Variants in CNTN4 observed in about 807,000 individuals in gnomAD.
CNTN4 encodes contactin 4.
In CNTN4, 77 loss-of-function variants were observed where a neutral mutation model predicts 122.5. That is an observed-to-expected ratio of 0.63 (90% CI 0.52 to 0.76). The LOEUF (loss-of-function observed/expected upper bound fraction) is 0.76, where lower values mean the gene tolerates loss of function less well. Among genes scored for constraint, CNTN4 ranks in the 30% least tolerant of loss-of-function variants. The probability of loss-of-function intolerance (pLI) is 0.00; values close to 1 mark genes in which losing one functional copy is unlikely to be tolerated. For missense variants in CNTN4, 1,256 were observed against 1,259.1 expected, an observed-to-expected ratio of 1.00 and a Z score of 0.04; for synonymous variants, 512 against 447.0, an observed-to-expected ratio of 1.15 and a Z score of -1.83.
chr3:2,773,762 C>CTTTTTTTTTTTTTTTTTTTTTTT (rs1234334638), intron 6 of CNTN4, among the ~76,000 whole-genome samples: 8 of 107,544 alleles, frequency 7.4e-5, no homozygotes, highest in African/African-American at 2.4e-4. Context: ...ATGTAGTAGA[C>CTTTTTTTTTTTTTTTTTTTTTTT]TTTTTTTTTT....
At chr3:2,682,881 C>T (rs1005629742) in intron 4 of CNTN4, among the ~76,000 whole-genome samples, 7 of 152,060 alleles carry the variant, frequency 4.6e-5, no homozygotes, top group African/African-American at 9.7e-5. Context: ...TTAGCAACAA[C>T]AAATTTTGCC....
chr3:2,532,026 A>G (rs2077615067), intron 3 of CNTN4, among the ~76,000 whole-genome samples: 1 of 152,162 alleles, frequency 6.6e-6, no homozygotes, highest in African/African-American at 2.4e-5. Flanking sequence ...AAATGTAACA[A>G]AAGCCATGTT....
chr3:2,195,468 C>A (rs1159662787), intron 2 of CNTN4, among the ~76,000 whole-genome samples: 1 of 152,096 alleles, frequency 6.6e-6, no homozygotes, highest in East Asian at 1.9e-4. Context: ...GATAATATGG[C>A]AGTTCTATTT....
chr3:2,217,572 C>T (rs1349533775), intron 2 of CNTN4, among the ~76,000 whole-genome samples: 1 of 152,138 alleles, frequency 6.6e-6, no homozygotes, highest in East Asian at 1.9e-4. Flanking sequence ...AATGTCTTCT[C>T]CATAGATGTG....
chr3:2,751,417 G>C (rs963853234), intron 6 of CNTN4, among the ~76,000 whole-genome samples: 3 of 152,172 alleles, frequency 2.0e-5, no homozygotes, highest in Non-Finnish European at 2.9e-5. Flanking sequence ...CTGAGACTAC[G>C]CACAGCTTCA....
At chr3:2,399,014 A>G (rs2046742639) in intron 3 of CNTN4, among the ~76,000 whole-genome samples, 1 of 152,162 alleles carries the variant, frequency 6.6e-6, no homozygotes, top group Non-Finnish European at 1.5e-5. Context: ...CTTAGGAATC[A>G]GACAGCATTT....
chr3:3,048,371 T>C (rs1700893385), intron 23 of CNTN4, among the ~76,000 whole-genome samples: 1 of 152,200 alleles, frequency 6.6e-6, no homozygotes, highest in Non-Finnish European at 1.5e-5. Context: ...CGGAAAGATA[T>C]GCTTAGGTTA....
chr3:2,585,344 T>A (rs1330757779), intron 4 of CNTN4, among the ~76,000 whole-genome samples: 1 of 151,084 alleles, frequency 6.6e-6, no homozygotes, highest in Non-Finnish European at 1.5e-5. Flanking sequence ...ACTGGGCATA[T>A]ACCCAAGGGA....
intron 2 of CNTN4, among the ~76,000 whole-genome samples, chr3:2,186,297 A>G (rs1232736693): frequency 1.3e-5 from 2 of 152,238 alleles, no homozygotes; most frequent in African/African-American, 4.8e-5. Flanking sequence ...TTCATGGTGT[A>G]TATGTGCCAC....
At chr3:3,035,710 C>T (rs2125710234) in intron 17 of CNTN4, among the ~76,000 whole-genome samples, 1 of 152,236 alleles carries the variant, frequency 6.6e-6, no homozygotes, top group South Asian at 2.1e-4. Context: ...GCGCAGGCCC[C>T]CACACCCAGC....
At chr3:2,452,603 C>G (rs1409255977) in intron 3 of CNTN4, among the ~76,000 whole-genome samples, 1 of 152,150 alleles carries the variant, frequency 6.6e-6, no homozygotes, top group African/African-American at 2.4e-5. Flanking sequence ...AACTTAAATG[C>G]ATCCATACTT....
chr3:2,512,502 G>A (rs894064684), intron 3 of CNTN4, among the ~76,000 whole-genome samples: 2 of 152,258 alleles, frequency 1.3e-5, no homozygotes, highest in Middle Eastern at 3.4e-3. Flanking sequence ...AATAATGTTT[G>A]CATGATGTCT....
At chr3:2,493,438 C>T (rs1559604836) in intron 3 of CNTN4, among the ~76,000 whole-genome samples, 1 of 150,912 alleles carries the variant, frequency 6.6e-6, no homozygotes, top group Non-Finnish European at 1.5e-5. Flanking sequence ...TGGAAGCATT[C>T]GCATTTCTGG....
intron 3 of CNTN4, among the ~76,000 whole-genome samples, chr3:2,519,398 A>T (rs1176372726): frequency 2.0e-5 from 3 of 152,194 alleles, no homozygotes; most frequent in Non-Finnish European, 4.4e-5. Flanking sequence ...TTCCTCTACC[A>T]GTAGGTCCAG....
At chr3:2,889,326 T>A (rs2094012383) in intron 10 of CNTN4, among the ~76,000 whole-genome samples, 1 of 152,222 alleles carries the variant, frequency 6.6e-6, no homozygotes, top group African/African-American at 2.4e-5. Flanking sequence ...GCACTTCTCT[T>A]TTATCATTCG....
intron 2 of CNTN4, among the ~76,000 whole-genome samples, chr3:2,287,927 G>A (rs956410663): frequency 6.6e-6 from 1 of 152,104 alleles, no homozygotes. Flanking sequence ...TGAACTTATT[G>A]TAAACTTGGT....
intron 4 of CNTN4, among the ~76,000 whole-genome samples, chr3:2,583,964 C>G (rs2080062565): frequency 2.0e-5 from 3 of 152,144 alleles, no homozygotes; most frequent in Non-Finnish European, 4.4e-5. Flanking sequence ...CTTGGTACAG[C>G]CCACAGTGGA....
At chr3:2,698,287 C>A (rs1442898690) in intron 4 of CNTN4, among the ~76,000 whole-genome samples, 2 of 152,120 alleles carry the variant, frequency 1.3e-5, no homozygotes, top group Non-Finnish European at 2.9e-5. Context: ...ATGGGAGGCA[C>A]CTAAATATTT....
chr3:2,150,568 A>G (rs2035454477), intron 2 of CNTN4, among the ~76,000 whole-genome samples: 1 of 152,170 alleles, frequency 6.6e-6, no homozygotes, highest in Admixed American at 6.5e-5. Context: ...TGTAGCAGCT[A>G]CTTCAAAGCT....
Sources: gnomAD v4.1 joint callset for allele counts (sites outside exome capture counted in the v4.1 genomes callset) on GRCh38, gnomAD v4.1.1 for gene constraint, MANE v1.5 for transcripts, NCBI Gene and HGNC (gene_info 2026-07-23, HGNC 2026-07-21) for gene names.